Variants in STXBP5L observed in about 807,000 individuals in gnomAD.
STXBP5L encodes the protein syntaxin binding protein 5L, also known as syntaxin-binding protein 5-like.
Under a neutral mutation model 144.5 loss-of-function variants are expected in STXBP5L, and 65 were observed. The observed-to-expected ratio is 0.45, with a 90% CI of 0.37 to 0.55. STXBP5L has a LOEUF of 0.55. Among genes scored for constraint, STXBP5L ranks in the 20% least tolerant of loss-of-function variants. The pLI is 0.00. For synonymous variants in STXBP5L, 505 were observed against 469.6 expected (o/e 1.08, Z -0.97); for missense variants, 1,298 against 1,405.5 (o/e 0.92, Z 1.22).
At position 121,115,078 on chromosome 3, in the gene STXBP5L, A is replaced by T. The variant is rs943891954; in HGVS notation, c.605+19A>T. On this transcript the variant is annotated intron_variant, in intron 6 of 26. Coordinates refer to ENST00000471454, the MANE Select transcript of STXBP5L (RefSeq NM_001308330.2). Reference sequence around the variant, plus strand: ...TTGAACTGTAAGTTTGAACTTGGATATCACTTTATTGGCTTAAATACTTCA... The same window carrying T: ...TTGAACTGTAAGTTTGAACTTGGATTTCACTTTATTGGCTTAAATACTTCA... 6.3e-7 allele frequency: 1 copy of T among 1,596,578 alleles called. No homozygotes were observed. Among genetic ancestry groups the T allele is most frequent in the African/African-American group, 1.3e-5 (1 of 74,216 alleles).
At chr3:121,340,128 G>A (rs967797283) in intron 20 of STXBP5L, among the ~76,000 whole-genome samples, 1 of 152,046 alleles carries the variant, frequency 6.6e-6, no homozygotes, top group Non-Finnish European at 1.5e-5. Flanking sequence ...AAAGCTGGAG[G>A]CATCGCATTA....
intron 3 of STXBP5L, among the ~76,000 whole-genome samples, chr3:121,029,835 GAAA>G (rs553181828): frequency 1.4e-5 from 2 of 143,194 alleles, no homozygotes; most frequent in East Asian, 4.1e-4. Flanking sequence ...AAATTTACAA[GAAA>G]AAAAAAACCC....
intron 5 of STXBP5L, among the ~76,000 whole-genome samples, chr3:121,059,385 A>G (rs765880477): frequency 6.6e-6 from 1 of 152,124 alleles, no homozygotes; most frequent in Non-Finnish European, 1.5e-5. Flanking sequence ...GCCTTGTAGT[A>G]TAGCTTGAAG....
chr3:121,354,364 C>G (rs79862972), intron 20 of STXBP5L, among the ~76,000 whole-genome samples: 13 of 152,160 alleles, frequency 8.5e-5, no homozygotes, highest in Admixed American at 3.3e-4. Flanking sequence ...TCTGGGTGCT[C>G]TTGTAGTGGG....
intron 3 of STXBP5L, among the ~76,000 whole-genome samples, chr3:121,002,883 A>G (rs1192212754): frequency 6.6e-6 from 1 of 151,996 alleles, no homozygotes; most frequent in Admixed American, 6.6e-5. Flanking sequence ...AAGAACATGA[A>G]CTCATCATTT....
chr3:121,300,312 C>T (rs1042698929), intron 19 of STXBP5L, among the ~76,000 whole-genome samples: 4 of 151,724 alleles, frequency 2.6e-5, no homozygotes, highest in South Asian at 2.1e-4. Flanking sequence ...GATAAAAAAA[C>T]GATGGAAAAT....
At chr3:121,239,445 T>TG (rs955596250) in intron 13 of STXBP5L, among the ~76,000 whole-genome samples, 1 of 150,514 alleles carries the variant, frequency 6.6e-6, no homozygotes, top group Non-Finnish European at 1.5e-5. Context: ...TTATTTTAGA[T>TG]GAAAAAATAT....
chr3:120,973,100 T>C (rs750104231), intron 3 of STXBP5L, among the ~76,000 whole-genome samples: 1 of 152,020 alleles, frequency 6.6e-6, no homozygotes, highest in Non-Finnish European at 1.5e-5. Context: ...ATGAGTTATG[T>C]AGGATTCCCT....
rs1275756881 is a variant in STXBP5L at position 121,422,349 on chromosome 3, C to T, written c.*3252C>T. On this transcript the variant is annotated 3_prime_UTR_variant, in exon 27 of 27. Coordinates refer to ENST00000471454, the MANE Select transcript of STXBP5L (RefSeq NM_001308330.2). ...ACATCAGAAGATAAGGCTTGCAAAC[C>T]ACAGTCCCAACAAGTTGACCTTGTC... The T allele has an allele frequency of 6.6e-6, 1 of 152,094 alleles. No individual in the cohort carries two copies. The highest frequency in any genetic ancestry group is 1.5e-5 in the Non-Finnish European group (1 of 68,006). 9.4% of individuals were successfully genotyped at this position (152,094 alleles called of 1,614,324 possible).
At chr3:121,374,183 G>A (rs891696018) in intron 20 of STXBP5L, among the ~76,000 whole-genome samples, 26 of 152,290 alleles carry the variant, frequency 1.7e-4, no homozygotes, top group African/African-American at 6.0e-4. Flanking sequence ...TAAGGAACTT[G>A]CAGACATCTC....
chr3:121,407,173 A>G, intron 22 of STXBP5L, 70 bp from the exon 23 acceptor site: 1 of 1,499,840 alleles, frequency 6.7e-7, no homozygotes, highest in Non-Finnish European at 8.9e-7. Context: ...ATCACAATGT[A>G]AAACTTTAAT....
intron 2 of STXBP5L, among the ~76,000 whole-genome samples, chr3:120,954,189 A>T (rs935484984): frequency 6.6e-6 from 1 of 152,118 alleles, no homozygotes; most frequent in East Asian, 1.9e-4. Context: ...CATTGAATAG[A>T]TTTTAATATT....
At chr3:121,197,116 A>T (rs2108196625) in intron 9 of STXBP5L, among the ~76,000 whole-genome samples, 1 of 152,212 alleles carries the variant, frequency 6.6e-6, no homozygotes, top group Admixed American at 6.5e-5. Context: ...TTCTTCACAA[A>T]GTATTTTTCG....
chr3:121,051,689 G>T (rs1224935668), intron 5 of STXBP5L, among the ~76,000 whole-genome samples: 1 of 152,040 alleles, frequency 6.6e-6, no homozygotes, highest in Non-Finnish European at 1.5e-5. Flanking sequence ...AGAGAAGCAA[G>T]AGGAAACACA....
intron 19 of STXBP5L, among the ~76,000 whole-genome samples, chr3:121,298,766 A>G (rs1795403): frequency 0.48 from 72,264 of 151,934 alleles, 17,744 homozygotes; most frequent in East Asian, 0.73. Flanking sequence ...GAGAGGGAAA[A>G]ATGGAGAGCT....
At chr3:121,262,469 A>C (rs1039767602) in intron 18 of STXBP5L, among the ~76,000 whole-genome samples, 8 of 152,064 alleles carry the variant, frequency 5.3e-5, no homozygotes, top group Admixed American at 2.6e-4. Flanking sequence ...ATCTCTACTA[A>C]CATTGTAAAA....
chr3:121,171,956 A>G (rs1381605599), intron 9 of STXBP5L, among the ~76,000 whole-genome samples: 5 of 152,226 alleles, frequency 3.3e-5, no homozygotes, highest in Admixed American at 3.3e-4. Context: ...AAACTATACT[A>G]CAAGGCTACA....
At chr3:121,232,599 C>T (rs2049343572) in intron 11 of STXBP5L, among the ~76,000 whole-genome samples, 1 of 152,134 alleles carries the variant, frequency 6.6e-6, no homozygotes, top group African/African-American at 2.4e-5. Flanking sequence ...GAGCCACAGT[C>T]AAAACTGTCC....
intron 9 of STXBP5L, among the ~76,000 whole-genome samples, chr3:121,190,273 T>C (rs1335955497): frequency 6.6e-6 from 1 of 152,294 alleles, no homozygotes; most frequent in Admixed American, 6.5e-5. Flanking sequence ...GCGAGCACGC[T>C]GCCTTCAAGC....
Sources: gnomAD v4.1 joint callset for allele counts (sites outside exome capture counted in the v4.1 genomes callset) on GRCh38, gnomAD v4.1.1 for gene constraint, MANE v1.5 for transcripts, NCBI Gene and HGNC (gene_info 2026-07-23, HGNC 2026-07-21) for gene names.